The following ALCAM variants were observed in gnomAD, a reference collection of about 807,000 sequenced individuals.
ALCAM encodes the protein activated leukocyte cell adhesion molecule, also known as CD166 antigen.
A neutral mutation model predicts 70.9 loss-of-function variants in ALCAM; 30 were observed. That is an observed-to-expected ratio of 0.42 (90% confidence interval 0.32 to 0.57). ALCAM has a LOEUF of 0.57. ALCAM is among the 20% of genes least tolerant of loss of function. The pLI is 0.11. For missense variants in ALCAM, 591 were observed against 695.1 expected (o/e 0.85, Z 1.68); for synonymous variants, 249 against 242.5 (o/e 1.03, Z -0.25).
chr3:105,509,831 T>C (rs1022660840), intron 1 of ALCAM, among the ~76,000 whole-genome samples: 1 of 152,146 alleles, frequency 6.6e-6, no homozygotes, highest in East Asian at 1.9e-4. Flanking sequence ...CCCCTATGCA[T>C]TCTTCTAAAA....
At chr3:105,378,704 A>G (rs1044185220) in intron 1 of ALCAM, among the ~76,000 whole-genome samples, 1 of 151,436 alleles carries the variant, frequency 6.6e-6, no homozygotes, top group Admixed American at 6.6e-5. Flanking sequence ...AGAATGGCAA[A>G]TACGTATCTG....
At chr3:105,555,829 A>C (rs1419677802) in intron 14 of ALCAM, among the ~76,000 whole-genome samples, 1 of 151,924 alleles carries the variant, frequency 6.6e-6, no homozygotes, top group Admixed American at 6.6e-5. Flanking sequence ...TTCATTTAGG[A>C]GTAAGGACTC....
At chr3:105,556,507 T>C (rs567624224) in intron 14 of ALCAM, among the ~76,000 whole-genome samples, 2 of 152,140 alleles carry the variant, frequency 1.3e-5, no homozygotes, top group East Asian at 3.9e-4. Context: ...TACCCTTTGT[T>C]AGTTCTGCCT....
At chr3:105,548,546 C>T (rs761361484) in intron 11 of ALCAM, among the ~76,000 whole-genome samples, 45 of 151,406 alleles carry the variant, frequency 3.0e-4, no homozygotes, top group Non-Finnish European at 4.7e-4. Flanking sequence ...TCCCAGCTTA[C>T]GCCATGCAGT....
chr3:105,431,457 G>C (rs1036582), intron 1 of ALCAM, among the ~76,000 whole-genome samples: 107,166 of 151,970 alleles, frequency 0.71, 38,081 homozygotes, highest in East Asian at 0.93. Flanking sequence ...TGAGCTTGTT[G>C]TCATAGCGAT....
intron 1 of ALCAM, among the ~76,000 whole-genome samples, chr3:105,466,395 C>A (rs1937734782): frequency 6.6e-6 from 1 of 151,492 alleles, no homozygotes; most frequent in African/African-American, 2.4e-5. Context: ...ATTGTGCGAT[C>A]TTCACATTTT....
chr3:105,504,719 G>T (rs1939021850), intron 1 of ALCAM, among the ~76,000 whole-genome samples: 1 of 152,142 alleles, frequency 6.6e-6, no homozygotes, highest in Non-Finnish European at 1.5e-5. Flanking sequence ...CAGGGTTTTT[G>T]TAGGCCCAGG....
intron 1 of ALCAM, among the ~76,000 whole-genome samples, chr3:105,433,224 A>C (rs1304242750): frequency 6.6e-6 from 1 of 152,130 alleles, no homozygotes; most frequent in Non-Finnish European, 1.5e-5. Context: ...TCCTGAAGCC[A>C]AATTTAATAA....
At chr3:105,476,167 C>T (rs1938102588) in intron 1 of ALCAM, among the ~76,000 whole-genome samples, 1 of 151,924 alleles carries the variant, frequency 6.6e-6, no homozygotes, top group Non-Finnish European at 1.5e-5. Context: ...CACCTTGTTC[C>T]TGTAATCCAA....
intron 14 of ALCAM, among the ~76,000 whole-genome samples, chr3:105,568,941 G>A (rs1276190025): frequency 6.6e-6 from 1 of 151,590 alleles, no homozygotes; most frequent in South Asian, 2.1e-4. Flanking sequence ...TTATTTTAAG[G>A]TTGTGAAATC....
chr3:105,560,553 T>C (rs181274018), intron 14 of ALCAM, among the ~76,000 whole-genome samples: 14 of 152,304 alleles, frequency 9.2e-5, no homozygotes, highest in Admixed American at 9.2e-4. Flanking sequence ...AGAACAGCTA[T>C]CAATTTTTCC....
At chr3:105,479,244 T>A (rs184150384) in intron 1 of ALCAM, among the ~76,000 whole-genome samples, 7 of 152,272 alleles carry the variant, frequency 4.6e-5, no homozygotes, top group African/African-American at 1.7e-4. Context: ...CTTATGGTAA[T>A]TTTCTCTTCT....
chr3:105,524,621 A>C, intron 3 of ALCAM, 113 bp downstream of exon 3: 2 of 1,481,234 alleles, frequency 1.4e-6, no homozygotes. Context: ...AGGTATCTAT[A>C]TAAGGGGACT....
At chr3:105,458,606 A>G (rs1372357742) in intron 1 of ALCAM, among the ~76,000 whole-genome samples, 2 of 152,242 alleles carry the variant, frequency 1.3e-5, no homozygotes, top group Admixed American at 6.5e-5. Flanking sequence ...TAAACTAGAT[A>G]TTTAAGCTTA....
intron 1 of ALCAM, among the ~76,000 whole-genome samples, chr3:105,433,027 A>G (rs907706218): frequency 6.6e-6 from 1 of 152,170 alleles, no homozygotes; most frequent in Non-Finnish European, 1.5e-5. Flanking sequence ...AGAAGTGGCC[A>G]TATAGGAAAG....
intron 1 of ALCAM, among the ~76,000 whole-genome samples, chr3:105,447,601 T>A (rs1278698290): frequency 2.6e-5 from 4 of 152,190 alleles, no homozygotes; most frequent in Admixed American, 6.5e-5. Context: ...ACCACCCAGC[T>A]ACTCCGGAGA....
intron 1 of ALCAM, among the ~76,000 whole-genome samples, chr3:105,454,451 C>T (rs1035106398): frequency 4.6e-5 from 7 of 152,048 alleles, no homozygotes; most frequent in Admixed American, 1.3e-4. Context: ...CCCATCTCCC[C>T]GCATGCTTTC....
At chr3:105,532,988 T>C (rs976076835) in intron 4 of ALCAM, among the ~76,000 whole-genome samples, 6 of 152,148 alleles carry the variant, frequency 3.9e-5, no homozygotes, top group African/African-American at 1.4e-4. Flanking sequence ...AGTTCCATAT[T>C]GAATAATAAT....
chr3:105,371,166 T>C (rs1398277416), intron 1 of ALCAM, among the ~76,000 whole-genome samples: 6 of 152,166 alleles, frequency 3.9e-5, no homozygotes, highest in African/African-American at 1.4e-4. Context: ...ACCATTGACT[T>C]ATCAAAAAGA....
Sources: gnomAD v4.1 joint callset for allele counts (sites outside exome capture counted in the v4.1 genomes callset) on GRCh38, gnomAD v4.1.1 for gene constraint, MANE v1.5 for transcripts, NCBI Gene and HGNC (gene_info 2026-07-23, HGNC 2026-07-21) for gene names.